The following CPZ variants were observed in gnomAD, a reference collection of about 807,000 sequenced individuals.
The protein encoded by CPZ is VEZT/CPZ fusion.
In CPZ, 103 loss-of-function variants were observed where a neutral mutation model predicts 61.8. That is an observed-to-expected ratio of 1.67 (90% CI 1.42 to 1.96). CPZ has a LOEUF of 1.96. CPZ is among the 30% of genes most tolerant of loss of function. CPZ has a pLI of 0.00. For missense variants in CPZ, 1,461 were observed against 914.9 expected (o/e 1.60, Z -7.70); for synonymous variants, 551 against 373.7 (o/e 1.47, Z -5.47).
At chr4:8,594,215 C>G (rs1714008300) in intron 1 of CPZ, among the ~76,000 whole-genome samples, 1 of 152,206 alleles carries the variant, frequency 6.6e-6, no homozygotes, top group African/African-American at 2.4e-5. Context: ...CCAGTCTCCC[C>G]TCTTATGGAC....
chr4:8,610,409 G>C (rs1309517635), intron 7 of CPZ, among the ~76,000 whole-genome samples: 1 of 152,214 alleles, frequency 6.6e-6, no homozygotes, highest in African/African-American at 2.4e-5. Flanking sequence ...ACTGACCAGT[G>C]ATGGGAGGGA....
At chr4:8,610,915 T>C (rs1025743508) in intron 7 of CPZ, among the ~76,000 whole-genome samples, 2 of 152,026 alleles carry the variant, frequency 1.3e-5, no homozygotes, top group African/African-American at 4.8e-5. Context: ...CGTCTGGGAG[T>C]CCGAGTCTCA....
intron 1 of CPZ, among the ~76,000 whole-genome samples, chr4:8,598,874 G>A (rs1376751589): frequency 3.3e-5 from 5 of 152,200 alleles, no homozygotes; most frequent in African/African-American, 1.2e-4. Context: ...TTGATCCTTT[G>A]TTCTTGGAAG....
At chr4:8,617,066 G>A (rs930292475) in intron 9 of CPZ, among the ~76,000 whole-genome samples, 1 of 152,236 alleles carries the variant, frequency 6.6e-6, no homozygotes, top group Admixed American at 6.5e-5. Context: ...TCAGCCACCT[G>A]CACCACTGAC....
At chr4:8,611,985 G>T (rs754406375) in intron 7 of CPZ, 42 bp from the exon 8 acceptor site, 2 of 1,612,860 alleles carry the variant, frequency 1.2e-6, no homozygotes, top group East Asian at 4.5e-5. Flanking sequence ...AGGACGTCCT[G>T]CAGGGGACCC....
rs535793325 is a variant in CPZ at position 8,614,227 on chromosome 4, C to T, written c.1364-132C>T. ...CCTGCTGGGCACTTGGCTGACACCC[C>T]GACGTCCCGGCTGTCTCTGCGCGGC... On this transcript the variant is annotated intron_variant, in intron 8 of 10. Coordinates refer to ENST00000360986, the MANE Select transcript of CPZ (RefSeq NM_001014447.3). 290 of 1,274,926 alleles carry T rather than the reference C, an allele frequency of 2.3e-4. No homozygotes were observed. The African/African-American group carries it at 2.9e-3, about 13-fold the overall frequency. 79.0% of individuals were successfully genotyped at this position (1,274,926 alleles called of 1,614,324 possible). A position where few individuals can be genotyped will look rare whatever the true frequency, so the allele number is the denominator to read the frequency against.
At chr4:8,615,811 T>G (rs1716114797) in intron 9 of CPZ, among the ~76,000 whole-genome samples, 1 of 152,182 alleles carries the variant, frequency 6.6e-6, no homozygotes, top group South Asian at 2.1e-4. Context: ...ATCAGGAACC[T>G]TCCTCCAAGT....
intron 8 of CPZ, 59 bp downstream of exon 8, chr4:8,612,221 G>GGGGGGGGGGGGGGGC: frequency 4.8e-6 from 1 of 206,196 alleles, no homozygotes; most frequent in Non-Finnish European, 9.7e-6. Flanking sequence ...GCTGGGTGGG[G>GGGGGGGGGGGGGGGC]CAGGGGCAAG....
At chr4:8,618,406 T>G (rs370805187) in intron 9 of CPZ, 23 bp from the exon 10 acceptor site, 4 of 1,610,972 alleles carry the variant, frequency 2.5e-6, no homozygotes, top group Non-Finnish European at 3.4e-6. Flanking sequence ...GCCATCTCCC[T>G]GGCCTCCCCT....
chr4:8,594,245 G>A (rs1377333678), intron 1 of CPZ, among the ~76,000 whole-genome samples: 4 of 152,166 alleles, frequency 2.6e-5, no homozygotes, highest in African/African-American at 9.7e-5. Context: ...AGTCAAGGAC[G>A]TTTCCAGCCC....
chr4:8,607,023 T>A, intron 6 of CPZ, 125 bp downstream of exon 6: 1 of 1,203,874 alleles, frequency 8.3e-7, no homozygotes, highest in Non-Finnish European at 1.1e-6. Context: ...CCTGCCTCAG[T>A]TACCTGTCTG....
In CPZ at chr4:8,606,020, T is replaced by A; in HGVS notation, c.741T>A (p.Ile247=). 6.2e-7 allele frequency: 1 copy of A among 1,614,028 alleles called. No homozygotes were observed. Among genetic ancestry groups the A allele is most frequent in the Non-Finnish European group, 8.5e-7 (1 of 1,179,896 alleles). Residue 247 remains isoleucine, a synonymous_variant, in exon 5 of 11, where the codon ATT becomes ATA. Transcript: ENST00000360986. ...CCGAGGTGAAGCTCATCGGCAACATTCATGGCAACGAGGTGGCGGGCCGGG... is the reference window on the plus strand; with the variant it reads ...CCGAGGTGAAGCTCATCGGCAACATACATGGCAACGAGGTGGCGGGCCGGG... The part of the protein sequence containing the change: ...MEPEVKLIGN[I]HGNEVAGREM...
chr4:8,619,120 C>T lies in CPZ; in HGVS notation c.1604-142C>T, dbSNP rs142155962. 112 of 673,978 alleles carry T rather than the reference C, an allele frequency of 1.7e-4. No individual in the cohort carries two copies. In the African/African-American group the frequency reaches 1.7e-3, roughly 10 times the overall value. 41.7% of individuals were successfully genotyped at this position (673,978 alleles called of 1,614,324 possible). On this transcript the variant is annotated intron_variant, in intron 10 of 10. Coordinates refer to ENST00000360986, the MANE Select transcript of CPZ (RefSeq NM_001014447.3). ...TGACAGAGAAAAGGGGTGGGAAGGA[C>T]GTTCCAGGCCCACACAGAGGCAAGT...
At chr4:8,603,132 A>G (rs1714696959) in intron 3 of CPZ, 1 of 152,244 alleles carries the variant, frequency 6.6e-6, no homozygotes, top group African/African-American at 2.4e-5. Flanking sequence ...GAGCAGAAGC[A>G]AAACCACAGG....
chr4:8,597,902 G>A (rs563594845), intron 1 of CPZ, among the ~76,000 whole-genome samples: 135 of 152,290 alleles, frequency 8.9e-4, no homozygotes, highest in African/African-American at 3.1e-3. Flanking sequence ...CCACTTGCCC[G>A]GGGCCCCCGG....
rs938280098 is a variant in CPZ at position 8,611,073 on chromosome 4, C to T, written c.1228-954C>T. The T allele has an allele frequency of 1.9e-5, 7 of 361,662 alleles. 1 individual carries two copies. The highest frequency in any genetic ancestry group is 4.1e-5 in the Non-Finnish European group (7 of 170,458). The allele number at this position is 361,662 out of a possible 1,614,324, so 22.4% of individuals were successfully genotyped here. On this transcript the variant is annotated intron_variant, in intron 7 of 10. Coordinates refer to ENST00000360986, the MANE Select transcript of CPZ (RefSeq NM_001014447.3). ...GCATTCGCTCACTCACTCATTCACT[C>T]ATTCATTCGCTCATTCACTCACTCA...
At chr4:8,602,908 G>C (rs1714680308) in intron 3 of CPZ, 2 of 152,342 alleles carry the variant, frequency 1.3e-5, no homozygotes, top group African/African-American at 4.8e-5. Flanking sequence ...GCGGTAGGGG[G>C]GGTGCCCTTT....
Position 8,605,987 on chromosome 4 carries a change from A to C in CPZ, c.710-2A>C, listed in dbSNP as rs920475771. Reference sequence around the variant, plus strand: ...GCCCCAAGTCTCTGTATTTGCCCCCAGTGGAGCCCGAGGTGAAGCTCATCG... The same window carrying C: ...GCCCCAAGTCTCTGTATTTGCCCCCCGTGGAGCCCGAGGTGAAGCTCATCG... On this transcript the variant is annotated splice_acceptor_variant, in intron 4 of 10. Transcript: ENST00000360986. LOFTEE classifies it high-confidence loss of function. 18 of 1,611,418 alleles carry C rather than the reference A, an allele frequency of 1.1e-5. No individual in the cohort carries two copies. The highest frequency in any genetic ancestry group is 1.4e-5 in the Non-Finnish European group (16 of 1,177,808).
chr4:8,609,671 T>G (rs551098860), intron 7 of CPZ, among the ~76,000 whole-genome samples: 8 of 152,274 alleles, frequency 5.3e-5, no homozygotes, highest in African/African-American at 1.9e-4. Context: ...CCCTCTGCAC[T>G]GGCCCAGTGT....
Sources: gnomAD v4.1 joint callset for allele counts (sites outside exome capture counted in the v4.1 genomes callset) on GRCh38, gnomAD v4.1.1 for gene constraint, MANE v1.5 for transcripts, NCBI Gene and HGNC (gene_info 2026-07-23, HGNC 2026-07-21) for gene names.